THSD7B: variants seen among roughly 807,000 people sequenced by gnomAD.
THSD7B encodes thrombospondin type-1 domain-containing protein 7B.
THSD7B carries 138 observed loss-of-function variants against 213.6 expected under a neutral mutation model. The ratio of observed to expected loss-of-function variants is 0.65; its 90% CI spans 0.56 to 0.74. The LOEUF is 0.74. Among genes scored for constraint, THSD7B ranks in the 30% least tolerant of loss-of-function variants. The probability of loss-of-function intolerance (pLI) is 0.00; values close to 1 mark genes in which losing one functional copy is unlikely to be tolerated. For synonymous variants in THSD7B, 742 were observed against 687.0 expected (o/e 1.08, Z -1.25); for missense variants, 1,931 against 1,991.5 (o/e 0.97, Z 0.58).
chr2:136,773,872 C>T (rs937353861), intron 1 of THSD7B, among the ~76,000 whole-genome samples: 8 of 151,524 alleles, frequency 5.3e-5, no homozygotes, highest in African/African-American at 1.9e-4. Context: ...TCTTTAGATA[C>T]CGGCATGGAT....
chr2:137,667,820 T>A lies in THSD7B; in HGVS notation c.4698T>A (p.Phe1566Leu). ...TTTATGGCGTTTCAGGTGGCGCTTTTCTCATCATGATTTTCCTAATATTTA... is the reference window on the plus strand; with the variant it reads ...TTTATGGCGTTTCAGGTGGCGCTTTACTCATCATGATTTTCCTAATATTTA... ...IWVYGVSGGA[F>L]LIMIFLIFTS... Residue 1566 changes from phenylalanine (F) to leucine (L), a missense_variant, in exon 27 of 28, where the codon TTT (phenylalanine) becomes TTA (leucine). Coordinates refer to ENST00000409968, the MANE Select transcript of THSD7B (RefSeq NM_001316349.2). 1 of 1,605,356 alleles carries A rather than the reference T, an allele frequency of 6.2e-7. No homozygotes were observed.
At chr2:137,615,248 A>G (rs1029726864) in intron 17 of THSD7B, among the ~76,000 whole-genome samples, 1 of 152,204 alleles carries the variant, frequency 6.6e-6, no homozygotes, top group Admixed American at 6.5e-5. Context: ...GGATATATGT[A>G]TGTATATGTG....
At chr2:136,780,933 C>T (rs1681730509) in intron 1 of THSD7B, among the ~76,000 whole-genome samples, 1 of 152,022 alleles carries the variant, frequency 6.6e-6, no homozygotes, top group South Asian at 2.1e-4. Context: ...GGTGGATAGC[C>T]GTAGTGAAGG....
intron 2 of THSD7B, among the ~76,000 whole-genome samples, chr2:136,901,514 A>T (rs1276665085): frequency 6.6e-6 from 1 of 152,224 alleles, no homozygotes; most frequent in Non-Finnish European, 1.5e-5. Context: ...TCACTAAAGG[A>T]TGCTAATGAG....
chr2:137,149,325 A>G (rs1368126205), intron 5 of THSD7B, among the ~76,000 whole-genome samples: 2 of 151,940 alleles, frequency 1.3e-5, no homozygotes, highest in African/African-American at 4.8e-5. Flanking sequence ...AACTTCTGCT[A>G]AGGCAGTGCA....
In THSD7B at chr2:137,115,165, C is replaced by G. The variant is rs760705014; in HGVS notation, c.1241C>G (p.Ser414Cys). ...RTSEWKECQV[S>C]LLLEQQDPHW... is the part of the protein sequence containing the mutation. ...TCTGAATGGAAAGAATGCCAAGTCT[C>G]TCTCCTCCTCGAGCAGCAGGATCCC... The change falls in exon 5 of 28, where the codon TCT becomes TGT. Residue 414 changes from serine to cysteine, a missense_variant. Transcript: ENST00000409968. 14 of 1,613,960 alleles carry G rather than the reference C, an allele frequency of 8.7e-6. No individual in the cohort carries two copies. Among genetic ancestry groups the G allele is most frequent in the Non-Finnish European group, 1.2e-5 (14 of 1,179,880 alleles).
chr2:137,244,132 C>T (rs530042922), intron 10 of THSD7B, among the ~76,000 whole-genome samples: 1 of 152,254 alleles, frequency 6.6e-6, no homozygotes, highest in East Asian at 1.9e-4. Context: ...TGAAAGGCAG[C>T]ATCTAGGAGG....
intron 20 of THSD7B, among the ~76,000 whole-genome samples, chr2:137,641,111 C>T (rs1682929921): frequency 6.6e-6 from 1 of 152,170 alleles, no homozygotes; most frequent in Admixed American, 6.5e-5. Context: ...TCCTCACTAG[C>T]TTTCCATTTC....
chr2:136,861,537 G>A (rs1457596838), intron 1 of THSD7B, among the ~76,000 whole-genome samples: 2 of 152,188 alleles, frequency 1.3e-5, no homozygotes, highest in Non-Finnish European at 2.9e-5. Context: ...AGTATGCCAG[G>A]ACTGGGTGAA....
At chr2:137,407,035 G>A (rs1288501138) in intron 13 of THSD7B, among the ~76,000 whole-genome samples, 1 of 152,184 alleles carries the variant, frequency 6.6e-6, no homozygotes, top group Non-Finnish European at 1.5e-5. Flanking sequence ...AGATGAGAGA[G>A]AATTCCCTGT....
chr2:137,401,306 A>G (rs1212907589), intron 12 of THSD7B, among the ~76,000 whole-genome samples: 1 of 151,994 alleles, frequency 6.6e-6, no homozygotes, highest in African/African-American at 2.4e-5. Flanking sequence ...CTTCTTTTCT[A>G]ATTTCCTTTG....
At chr2:137,243,561 A>G (rs904753541) in intron 10 of THSD7B, among the ~76,000 whole-genome samples, 8 of 152,200 alleles carry the variant, frequency 5.3e-5, no homozygotes, top group Non-Finnish European at 8.8e-5. Flanking sequence ...GCAGAGAAAA[A>G]AGCCTGTCAG....
chr2:137,443,838 G>C (rs1687472134), intron 14 of THSD7B, among the ~76,000 whole-genome samples: 1 of 151,904 alleles, frequency 6.6e-6, no homozygotes, highest in Non-Finnish European at 1.5e-5. Flanking sequence ...AAGTTTTTGT[G>C]CTACAAAAAA....
intron 12 of THSD7B, among the ~76,000 whole-genome samples, chr2:137,379,819 T>C (rs1047140602): frequency 6.6e-6 from 1 of 152,224 alleles, no homozygotes; most frequent in Non-Finnish European, 1.5e-5. Flanking sequence ...ATGCTAATGC[T>C]AGCTGTCCAC....
At chr2:137,667,956 C>T in intron 27 of THSD7B, 95 bp downstream of exon 27, 1 of 1,009,672 alleles carries the variant, frequency 9.9e-7, no homozygotes, top group South Asian at 1.9e-5. Flanking sequence ...CCCATTATAA[C>T]AGGATTCTTG....
rs907312903 is a variant in THSD7B, at chr2:137,377,596, AT to A, written c.2501-28009del. Among the ~76,000 whole-genome samples, 5 of 151,458 alleles carry A rather than the reference AT, an allele frequency of 3.3e-5. No individual in the cohort carries two copies. The South Asian group carries it at 8.3e-4, about 25-fold the overall frequency. ...AAGATTCAGAATATTTAAATTATGA[AT>A]TTTTTTTGCAGCAGCTTTGTTGAGA... On this transcript the variant is annotated intron_variant, in intron 12 of 27. Coordinates refer to ENST00000409968, the MANE Select transcript of THSD7B (RefSeq NM_001316349.2).
At chr2:136,990,968 C>T in intron 2 of THSD7B, 1 of 1,322,156 alleles carries the variant, frequency 7.6e-7, no homozygotes, top group Non-Finnish European at 1.0e-6. Flanking sequence ...GTGGGAAAGA[C>T]ATCAAAACTA....
intron 1 of THSD7B, among the ~76,000 whole-genome samples, chr2:136,803,507 G>A (rs563198175): frequency 6.6e-6 from 1 of 152,056 alleles, no homozygotes; most frequent in African/African-American, 2.4e-5. Flanking sequence ...TGTCTACTGT[G>A]GCTGTTTTGT....
At chr2:136,953,342 T>C (rs1258825665) in intron 2 of THSD7B, among the ~76,000 whole-genome samples, 1 of 152,150 alleles carries the variant, frequency 6.6e-6, no homozygotes. Flanking sequence ...GATTAGTGGC[T>C]TTAAAGAACA....
Sources: allele counts gnomAD v4.1 joint callset (sites outside exome capture counted in the v4.1 genomes callset), GRCh38; gene constraint gnomAD v4.1.1; transcripts MANE v1.5; gene names NCBI Gene and HGNC (gene_info 2026-07-23, HGNC 2026-07-21).